ADGRL3: variants seen among roughly 807,000 people sequenced by gnomAD.
ADGRL3 encodes adhesion G protein-coupled receptor L3.
Under a neutral mutation model 153.5 loss-of-function variants are expected in ADGRL3, and 62 were observed. The ratio of observed to expected loss-of-function variants is 0.40; its 90% confidence interval spans 0.33 to 0.50. The LOEUF is 0.50. ADGRL3 is among the 20% of genes least tolerant of loss of function. ADGRL3 has a pLI of 0.47. For missense variants in ADGRL3, 1,641 were observed against 1,859.4 expected, an observed-to-expected ratio of 0.88 and a Z score of 2.16; for synonymous variants, 710 against 672.5, an observed-to-expected ratio of 1.06 and a Z score of -0.86.
chr4:61,490,917 G>T (rs76254641), intron 2 of ADGRL3, among the ~76,000 whole-genome samples: 1 of 152,154 alleles, frequency 6.6e-6, no homozygotes, highest in Non-Finnish European at 1.5e-5. Context: ...AGAAGCATAT[G>T]TGTAGGTTTC....
intron 1 of ADGRL3, among the ~76,000 whole-genome samples, chr4:61,228,751 G>A (rs1749106550): frequency 6.6e-6 from 1 of 152,160 alleles, no homozygotes; most frequent in African/African-American, 2.4e-5. Flanking sequence ...TAAGTGCAAT[G>A]GCACCGTCTG....
At chr4:61,420,148 T>C (rs753697784) in intron 2 of ADGRL3, 1 of 152,130 alleles carries the variant, frequency 6.6e-6, no homozygotes, top group Non-Finnish European at 1.5e-5. Flanking sequence ...TTTAATCTGA[T>C]TGGGCATGAC....
intron 25 of ADGRL3, among the ~76,000 whole-genome samples, chr4:62,054,843 C>A: frequency 6.6e-6 from 1 of 151,562 alleles, no homozygotes; most frequent in Middle Eastern, 3.2e-3. Flanking sequence ...AAAAAAGAAA[C>A]CCTTATAGCG....
Position 61,999,943 on chromosome 4 carries a change from A to G in ADGRL3, c.3395+1678A>G, listed in dbSNP as rs79785957. ...GAGATAATAGTCATTGTATTGTTTAATTATGTACAATTAAACTGTCCTTCT... is the reference window on the plus strand; with the variant it reads ...GAGATAATAGTCATTGTATTGTTTAGTTATGTACAATTAAACTGTCCTTCT... On this transcript the variant is annotated intron_variant, in intron 21 of 26. Transcript: ENST00000683033. 8.0e-3 allele frequency among the ~76,000 whole-genome samples: 1,224 copies of G among 152,242 alleles called. 9 individuals are homozygous for G. Among genetic ancestry groups the G allele is most frequent in the Non-Finnish European group, 0.014 (930 of 67,984 alleles).
chr4:61,841,532 G>A (rs1231130592), intron 9 of ADGRL3, among the ~76,000 whole-genome samples: 2 of 152,106 alleles, frequency 1.3e-5, no homozygotes, highest in Admixed American at 6.6e-5. Flanking sequence ...AAAATGGAAG[G>A]TGAGAAAAAG....
chr4:61,297,624 T>C (rs1379141376), intron 1 of ADGRL3, among the ~76,000 whole-genome samples: 1 of 152,138 alleles, frequency 6.6e-6, no homozygotes, highest in Non-Finnish European at 1.5e-5. Flanking sequence ...CAAGGTATCC[T>C]GGAGATGAGG....
At chr4:61,875,328 A>G (rs2098469129) in intron 9 of ADGRL3, among the ~76,000 whole-genome samples, 1 of 152,234 alleles carries the variant, frequency 6.6e-6, no homozygotes, top group South Asian at 2.1e-4. Context: ...CATTTAGAAT[A>G]CATAATTATA....
intron 2 of ADGRL3, among the ~76,000 whole-genome samples, chr4:61,448,805 AGGGAG>A (rs1205022863): frequency 2.6e-5 from 3 of 115,584 alleles, no homozygotes; most frequent in Admixed American, 1.0e-4. Flanking sequence ...GGAGGGAGGA[AGGGAG>A]GGAAGGAAGG....
intron 17 of ADGRL3, among the ~76,000 whole-genome samples, chr4:61,973,917 A>G (rs947313436): frequency 2.6e-5 from 4 of 152,158 alleles, no homozygotes; most frequent in Admixed American, 2.6e-4. Flanking sequence ...TTCAGATTCA[A>G]AAGTTAAAAT....
chr4:61,911,318 T>C (rs561024590), intron 12 of ADGRL3, among the ~76,000 whole-genome samples: 2 of 152,340 alleles, frequency 1.3e-5, no homozygotes, highest in East Asian at 3.9e-4. Context: ...GCTAATCAGC[T>C]TGCCTACTCT....
At chr4:61,670,833 C>T (rs935160255) in intron 5 of ADGRL3, among the ~76,000 whole-genome samples, 37 of 152,066 alleles carry the variant, frequency 2.4e-4, no homozygotes, top group African/African-American at 8.9e-4. Flanking sequence ...CCCATGAGTG[C>T]CTAAATGAAA....
Position 61,668,567 on chromosome 4 carries a change from AT to A in ADGRL3, c.474-8257del, listed in dbSNP as rs148506845. Among the ~76,000 whole-genome samples the A allele has an allele frequency of 3.4e-3, 512 of 152,338 alleles. 3 individuals carry two copies. The highest frequency in any genetic ancestry group is 0.012 in the African/African-American group (490 of 41,572). On this transcript the variant is annotated intron_variant, in intron 5 of 26. Transcript: ENST00000683033. ...TATTTCTTTAAGGTAAAGGAATGTT[AT>A]TGAAGTAACATATAAAAGAATATAG...
intron 8 of ADGRL3, among the ~76,000 whole-genome samples, chr4:61,801,902 T>C (rs1336675964): frequency 6.6e-6 from 1 of 152,158 alleles, no homozygotes; most frequent in Non-Finnish European, 1.5e-5. Context: ...ATATGTAAAA[T>C]ATATATGAGT....
At chr4:62,020,856 T>A (rs1056094470) in intron 21 of ADGRL3, among the ~76,000 whole-genome samples, 1 of 152,046 alleles carries the variant, frequency 6.6e-6, no homozygotes, top group Non-Finnish European at 1.5e-5. Flanking sequence ...TAAACTAAAG[T>A]ACTTTGGTTA....
chr4:61,549,845 A>C (rs1399052251), intron 4 of ADGRL3, among the ~76,000 whole-genome samples: 1 of 152,004 alleles, frequency 6.6e-6, no homozygotes, highest in Non-Finnish European at 1.5e-5. Flanking sequence ...AATAATGTGA[A>C]TATTTAAGAA....
At chr4:61,879,761 C>T (rs2098498422) in intron 9 of ADGRL3, among the ~76,000 whole-genome samples, 1 of 152,002 alleles carries the variant, frequency 6.6e-6, no homozygotes, top group South Asian at 2.1e-4. Context: ...ATTCTGTCAC[C>T]CAGGCTGGAG....
intron 8 of ADGRL3, among the ~76,000 whole-genome samples, chr4:61,752,749 A>C (rs771402472): frequency 6.6e-5 from 10 of 152,152 alleles, no homozygotes; most frequent in Non-Finnish European, 1.2e-4. Flanking sequence ...CCTGGACAAC[A>C]TGGTGAGACC....
chr4:61,947,539 C>G (rs1369383124), intron 16 of ADGRL3, among the ~76,000 whole-genome samples: 3 of 152,140 alleles, frequency 2.0e-5, no homozygotes, highest in Admixed American at 6.5e-5. Context: ...TATATTAACT[C>G]ACTTCACTTT....
At chr4:61,579,108 T>C (rs1319585846) in intron 4 of ADGRL3, among the ~76,000 whole-genome samples, 4 of 152,052 alleles carry the variant, frequency 2.6e-5, no homozygotes, top group Non-Finnish European at 4.4e-5. Context: ...TCTTGGAACT[T>C]CATCCCATAT....
Sources: allele counts gnomAD v4.1 joint callset (sites outside exome capture counted in the v4.1 genomes callset), GRCh38; gene constraint gnomAD v4.1.1; transcripts MANE v1.5; gene names NCBI Gene and HGNC (gene_info 2026-07-23, HGNC 2026-07-21).